Variants in AADACL4 observed in about 807,000 individuals in gnomAD.
AADACL4 encodes the protein arylacetamide deacetylase like 4.
In AADACL4, 9 loss-of-function variants were observed where a neutral mutation model predicts 14.1. That is an observed-to-expected ratio of 0.64 (90% CI 0.39 to 1.12). The LOEUF (loss-of-function observed/expected upper bound fraction) is 1.12, where lower values mean the gene tolerates loss of function less well. Among genes scored for constraint, AADACL4 ranks in the 50% most tolerant of loss-of-function variants. The pLI is 0.01. For synonymous variants in AADACL4, 188 were observed against 201.6 expected, an observed-to-expected ratio of 0.93 and a Z score of 0.57; for missense variants, 531 against 516.1, an observed-to-expected ratio of 1.03 and a Z score of -0.28.
intron 2 of AADACL4, among the ~76,000 whole-genome samples, chr1:12,658,368 C>T (rs184085196): frequency 1.2e-4 from 18 of 152,054 alleles, no homozygotes; most frequent in African/African-American, 4.1e-4. Context: ...AAGCGAGTAT[C>T]GTGCCTCAGC....
At chr1:12,654,109 A>C (rs1457573245) in intron 2 of AADACL4, among the ~76,000 whole-genome samples, 1 of 152,236 alleles carries the variant, frequency 6.6e-6, no homozygotes, top group African/African-American at 2.4e-5. Context: ...GTGCAGAGAG[A>C]AACCATCCAT....
intron 3 of AADACL4, among the ~76,000 whole-genome samples, 166 bp downstream of exon 3, chr1:12,662,020 G>A (rs760956610): frequency 6.6e-6 from 1 of 152,050 alleles, no homozygotes; most frequent in Admixed American, 6.5e-5. Context: ...AAACCTGAAA[G>A]CAACCCACAT....
At chr1:12,647,831 T>A (rs1277306569) in intron 1 of AADACL4, among the ~76,000 whole-genome samples, 1 of 152,068 alleles carries the variant, frequency 6.6e-6, no homozygotes, top group Non-Finnish European at 1.5e-5. Flanking sequence ...AACTTTTTTG[T>A]ATTTTTTGTA....
chr1:12,646,860 T>C lies in AADACL4; in HGVS notation c.168+2146T>C, dbSNP rs149036281. Among the ~76,000 whole-genome samples, 24 of 152,096 alleles carry C rather than the reference T, an allele frequency of 1.6e-4. No individual in the cohort carries two copies. The East Asian group carries it at 3.9e-3, about 25-fold the overall frequency. On this transcript the variant is annotated intron_variant, in intron 1 of 3. Transcript: ENST00000376221. ...ACTGCCCATCATGGGGTGATGATGA[T>C]GAGGATGAGGACATACAGTAGTGAA...
At chr1:12,644,865 T>C in intron 1 of AADACL4, 151 bp downstream of exon 1, 1 of 855,918 alleles carries the variant, frequency 1.2e-6, no homozygotes, top group Non-Finnish European at 1.7e-6. Context: ...TGCTATTCTG[T>C]TTGCCTCTCT....
At chr1:12,661,893 G>A (rs368222648) in intron 3 of AADACL4, 39 bp downstream of exon 3, 160 of 1,599,478 alleles carry the variant, frequency 1.0e-4, no homozygotes, top group Non-Finnish European at 1.3e-4. Context: ...CCACAGGGGT[G>A]AGAGGAGATA....
chr1:12,647,224 G>A (rs1167366231), intron 1 of AADACL4, among the ~76,000 whole-genome samples: 1 of 151,606 alleles, frequency 6.6e-6, no homozygotes, highest in African/African-American at 2.4e-5. Flanking sequence ...CTCCCATGTA[G>A]CTCGGACCAC....
intron 3 of AADACL4, among the ~76,000 whole-genome samples, chr1:12,664,103 C>G (rs1570434775): frequency 6.6e-6 from 1 of 152,238 alleles, no homozygotes; most frequent in Non-Finnish European, 1.5e-5. Flanking sequence ...TTAGAGGCAG[C>G]TATGGAGGTC....
chr1:12,665,205 T>G (rs1004525146), intron 3 of AADACL4, among the ~76,000 whole-genome samples: 1 of 152,128 alleles, frequency 6.6e-6, no homozygotes, highest in Admixed American at 6.5e-5. Flanking sequence ...CCAATTCTTT[T>G]AAATTAGATT....
Position 12,666,995 on chromosome 1 carries a change from C to A in AADACL4, c.*260C>A. 2.1e-6 allele frequency: 1 copy of A among 466,514 alleles called. No individual in the cohort carries two copies. Among genetic ancestry groups the A allele is most frequent in the South Asian group, 6.0e-5 (1 of 16,562 alleles). The allele number at this position is 466,514 out of a possible 1,614,324, so 28.9% of individuals were successfully genotyped here. A position where few individuals can be genotyped will look rare whatever the true frequency, so the allele number is the denominator to read the frequency against. ...ATTCCCATTTAGGTGAAATAAATAT[C>A]AAAAGGAGAAAAAAATGCCTTTAAA... On this transcript the variant is annotated 3_prime_UTR_variant, in exon 4 of 4. Coordinates refer to ENST00000376221, the MANE Select transcript of AADACL4 (RefSeq NM_001013630.2).
At chr1:12,650,671 T>A (rs1481501020) in intron 1 of AADACL4, among the ~76,000 whole-genome samples, 1 of 152,108 alleles carries the variant, frequency 6.6e-6, no homozygotes, top group African/African-American at 2.4e-5. Context: ...TAGCTGGGAC[T>A]ACAGGCGCTC....
At chr1:12,657,239 G>A (rs1647182967) in intron 2 of AADACL4, among the ~76,000 whole-genome samples, 1 of 151,882 alleles carries the variant, frequency 6.6e-6, no homozygotes, top group Non-Finnish European at 1.5e-5. Flanking sequence ...CCATCAGGGT[G>A]AATTGGGTTT....
At chr1:12,658,478 C>T (rs1019334039) in intron 2 of AADACL4, among the ~76,000 whole-genome samples, 8 of 152,094 alleles carry the variant, frequency 5.3e-5, no homozygotes, top group South Asian at 2.1e-4. Flanking sequence ...AAGCTGGTGT[C>T]GAACTCCTGA....
At chr1:12,655,048 C>T (rs887325313) in intron 2 of AADACL4, among the ~76,000 whole-genome samples, 4 of 152,170 alleles carry the variant, frequency 2.6e-5, no homozygotes, top group African/African-American at 9.7e-5. Flanking sequence ...CATGTCAGTA[C>T]ATGTTATTCA....
intron 2 of AADACL4, among the ~76,000 whole-genome samples, chr1:12,654,578 T>G (rs1015698465): frequency 2.0e-5 from 3 of 152,088 alleles, no homozygotes; most frequent in Non-Finnish European, 2.9e-5. Context: ...GAGTGGCTCA[T>G]TTATTGGGAT....
chr1:12,657,518 TTCAAGGACGAG>T (rs1647184505), intron 2 of AADACL4, among the ~76,000 whole-genome samples: 1 of 152,120 alleles, frequency 6.6e-6, no homozygotes, highest in South Asian at 2.1e-4. Context: ...TGAGAATGAA[TTCAAGGACGAG>T]TCAGAAAATG....
intron 3 of AADACL4, among the ~76,000 whole-genome samples, chr1:12,662,242 C>T (rs1270458503): frequency 2.0e-5 from 3 of 152,004 alleles, no homozygotes; most frequent in South Asian, 2.1e-4. Flanking sequence ...AAGGTAAAAA[C>T]GTTAAAACCA....
At chr1:12,661,333 A>G (rs2100768535) in intron 2 of AADACL4, among the ~76,000 whole-genome samples, 1 of 152,334 alleles carries the variant, frequency 6.6e-6, no homozygotes, top group South Asian at 2.1e-4. Context: ...CCACTGTGCT[A>G]GTATGTTCTA....
At chr1:12,650,566 C>G (rs1449280611) in intron 1 of AADACL4, among the ~76,000 whole-genome samples, 1 of 150,588 alleles carries the variant, frequency 6.6e-6, no homozygotes, top group African/African-American at 2.5e-5. Context: ...TGGAGTCTCT[C>G]TCTGTTGCCA....
Sources: gnomAD v4.1 joint callset for allele counts (sites outside exome capture counted in the v4.1 genomes callset) on GRCh38, gnomAD v4.1.1 for gene constraint, MANE v1.5 for transcripts, NCBI Gene and HGNC (gene_info 2026-07-23, HGNC 2026-07-21) for gene names.